GRID1: variants seen among roughly 807,000 people sequenced by gnomAD.
GRID1 encodes glutamate receptor ionotropic, delta-1.
A neutral mutation model predicts 98.0 loss-of-function variants in GRID1; 28 were observed. The ratio of observed to expected loss-of-function variants is 0.29; its 90% CI spans 0.21 to 0.39. The LOEUF (loss-of-function observed/expected upper bound fraction) is 0.39, where lower values mean the gene tolerates loss of function less well. Among genes scored for constraint, GRID1 ranks in the 10% least tolerant of loss-of-function variants. The pLI is 1.00. For missense variants in GRID1, 1,111 were observed against 1,340.5 expected (o/e 0.83, Z 2.67); for synonymous variants, 553 against 538.5 (o/e 1.03, Z -0.37).
Position 86,053,444 on chromosome 10 carries a change from G to A in GRID1, c.726+85375C>T, listed in dbSNP as rs190823453. ...GCAATCTTGGCTCACTGCAACCTCC[G>A]CCTCCCTGGTTCAAGCAATTCTCCT... On this transcript the variant is annotated intron_variant, in intron 4 of 15. Transcript: ENST00000327946. 2.3e-3 allele frequency among the ~76,000 whole-genome samples: 347 copies of A among 151,380 alleles called. 1 individual carries two copies. The highest frequency in any genetic ancestry group is 8.1e-3 in the African/African-American group (334 of 41,278).
intron 4 of GRID1, among the ~76,000 whole-genome samples, chr10:86,138,510 A>AG (rs1844961996): frequency 6.6e-6 from 1 of 152,066 alleles, no homozygotes. Context: ...AAAATTAAAA[A>AG]GAAAAAAAAA....
chr10:85,841,699 C>T (rs1364717076), intron 8 of GRID1, among the ~76,000 whole-genome samples: 1 of 151,838 alleles, frequency 6.6e-6, no homozygotes, highest in Non-Finnish European at 1.5e-5. Flanking sequence ...AGAAGACATA[C>T]AGGTAGCCAA....
intron 12 of GRID1, among the ~76,000 whole-genome samples, chr10:85,664,218 C>T (rs1023169162): frequency 6.6e-6 from 1 of 152,088 alleles, no homozygotes; most frequent in Non-Finnish European, 1.5e-5. Context: ...AAGAGTCATG[C>T]TTTAAAAGAA....
chr10:86,080,192 G>T (rs1843945646), intron 4 of GRID1, among the ~76,000 whole-genome samples: 1 of 151,644 alleles, frequency 6.6e-6, no homozygotes, highest in Admixed American at 6.6e-5. Flanking sequence ...AAATTAGCTG[G>T]GCGTGGTGGC....
chr10:86,213,994 C>T (rs925866826), intron 2 of GRID1, among the ~76,000 whole-genome samples: 1 of 152,216 alleles, frequency 6.6e-6, no homozygotes, highest in Admixed American at 6.5e-5. Context: ...CTCCACTCCA[C>T]TGCCATCACC....
chr10:86,151,370 A>T (rs1296621002), intron 3 of GRID1, among the ~76,000 whole-genome samples: 1 of 151,882 alleles, frequency 6.6e-6, no homozygotes, highest in East Asian at 1.9e-4. Context: ...CTGGGATCCA[A>T]CCCTGGATCT....
intron 2 of GRID1, among the ~76,000 whole-genome samples, chr10:86,298,275 T>C (rs749595436): frequency 1.1e-4 from 16 of 152,290 alleles, no homozygotes; most frequent in Non-Finnish European, 2.2e-4. Flanking sequence ...ATAAAGGAAG[T>C]TGCAACCAAA....
At chr10:85,777,653 T>G (rs912971763) in intron 8 of GRID1, among the ~76,000 whole-genome samples, 1 of 152,220 alleles carries the variant, frequency 6.6e-6, no homozygotes, top group African/African-American at 2.4e-5. Flanking sequence ...AAAAGGAAAT[T>G]GCCAATTTAC....
chr10:85,717,464 C>T (rs1044960584), intron 12 of GRID1, among the ~76,000 whole-genome samples: 1 of 152,006 alleles, frequency 6.6e-6, no homozygotes, highest in African/African-American at 2.4e-5. Context: ...CCTGATAAAC[C>T]CATCAGATCT....
intron 5 of GRID1, among the ~76,000 whole-genome samples, chr10:85,878,646 G>A (rs907699190): frequency 2.0e-4 from 30 of 152,142 alleles, no homozygotes; most frequent in Admixed American, 1.3e-4. Flanking sequence ...GGAACAACCG[G>A]TACCAGCCAC....
At chr10:85,746,507 GAC>G (rs1841998976) in intron 8 of GRID1, among the ~76,000 whole-genome samples, 1 of 152,122 alleles carries the variant, frequency 6.6e-6, no homozygotes, top group African/African-American at 2.4e-5. Context: ...TTGTGGAGGT[GAC>G]ATTTTGTGAC....
chr10:85,844,302 C>T (rs907578521), intron 8 of GRID1, among the ~76,000 whole-genome samples: 2 of 151,734 alleles, frequency 1.3e-5, no homozygotes, highest in African/African-American at 4.8e-5. Flanking sequence ...GAGTTAGGTC[C>T]ATGTGGTCAT....
At position 86,102,166 on chromosome 10, in the gene GRID1, G is replaced by T. The variant is rs927816784; in HGVS notation, c.726+36653C>A. 3.9e-5 allele frequency among the ~76,000 whole-genome samples: 6 copies of T among 152,228 alleles called. No homozygotes were observed. In the South Asian group the frequency reaches 1.2e-3, roughly 32 times the overall value. On this transcript the variant is annotated intron_variant, in intron 4 of 15. Coordinates refer to ENST00000327946, the MANE Select transcript of GRID1 (RefSeq NM_017551.3). ...AGTGAGACAGGAAGACTCTGAGCAGGGTAATGACATGATCAGCTAGAATTT... is the reference window on the plus strand; with the variant it reads ...AGTGAGACAGGAAGACTCTGAGCAGTGTAATGACATGATCAGCTAGAATTT...
chr10:85,893,997 G>A (rs1190540711), intron 5 of GRID1, among the ~76,000 whole-genome samples: 2 of 152,166 alleles, frequency 1.3e-5, no homozygotes, highest in Non-Finnish European at 2.9e-5. Context: ...AACCTAGAAA[G>A]GTGAAAACGA....
chr10:86,014,683 T>C (rs939992225), intron 4 of GRID1, among the ~76,000 whole-genome samples: 1 of 152,214 alleles, frequency 6.6e-6, no homozygotes, highest in Non-Finnish European at 1.5e-5. Context: ...GCCATAGCAC[T>C]ACAATTACAC....
chr10:86,279,968 G>A (rs367668431), intron 2 of GRID1, among the ~76,000 whole-genome samples: 3 of 152,140 alleles, frequency 2.0e-5, no homozygotes, highest in African/African-American at 4.8e-5. Context: ...CTTTGGGAGC[G>A]ACAGACAAGA....
intron 3 of GRID1, among the ~76,000 whole-genome samples, chr10:86,199,714 G>A (rs1360014177): frequency 2.0e-5 from 3 of 152,116 alleles, no homozygotes; most frequent in Admixed American, 2.0e-4. Context: ...TGGGTCATCT[G>A]GGAAATTCGG....
chr10:85,836,260 C>G (rs186849845), intron 8 of GRID1, among the ~76,000 whole-genome samples: 1 of 151,790 alleles, frequency 6.6e-6, no homozygotes, highest in Admixed American at 6.6e-5. Context: ...GAGGGGAGGA[C>G]AAGATGACCA....
At chr10:86,266,449 CTGAGGAG>C (rs1157610039) in intron 2 of GRID1, among the ~76,000 whole-genome samples, 1 of 152,232 alleles carries the variant, frequency 6.6e-6, no homozygotes, top group Admixed American at 6.5e-5. Flanking sequence ...TTCTACACAG[CTGAGGAG>C]CCCCCAGGCT....
Sources: gnomAD v4.1 joint callset for allele counts (sites outside exome capture counted in the v4.1 genomes callset) on GRCh38, gnomAD v4.1.1 for gene constraint, MANE v1.5 for transcripts, NCBI Gene and HGNC (gene_info 2026-07-23, HGNC 2026-07-21) for gene names.